The following ANXA8 variants were observed in gnomAD, a reference collection of about 807,000 sequenced individuals.
The protein encoded by ANXA8 is annexin A8.
Under a neutral mutation model 26.8 loss-of-function variants are expected in ANXA8, and 9 were observed. That is an observed-to-expected ratio of 0.34 (90% CI 0.20 to 0.59). ANXA8 has a LOEUF of 0.59. Ranked by LOEUF, ANXA8 falls within the 20% of genes least tolerant of loss-of-function variation. The pLI, the probability that ANXA8 is intolerant of heterozygous loss-of-function variation, is 0.84. For synonymous variants in ANXA8, 39 were observed against 94.8 expected, an observed-to-expected ratio of 0.41 and a Z score of 3.42; for missense variants, 83 against 238.5, an observed-to-expected ratio of 0.35 and a Z score of 4.29.
the ANXA8 span, among the ~76,000 whole-genome samples, chr10:47,605,924 T>C: frequency 2.7e-3 from 289 of 107,964 alleles, no homozygotes; most frequent in Admixed American, 7.9e-3. Context: ...GACTTACTAG[T>C]TTTAAAAGAA....
chr10:47,682,468 TC>T, the ANXA8 span, among the ~76,000 whole-genome samples: 5 of 141,118 alleles, frequency 3.5e-5, no homozygotes, highest in African/African-American at 1.1e-4. Context: ...TCTTTCTTTT[TC>T]TTTTTTTTTT....
chr10:47,647,802 T>TG, the ANXA8 span, among the ~76,000 whole-genome samples: 16 of 152,038 alleles, frequency 1.1e-4, no homozygotes, highest in African/African-American at 3.1e-4. Flanking sequence ...AAAGTATGAA[T>TG]ACTACACTAT....
chr10:47,657,294 GTAGCTGAAAATA>G, the ANXA8 span, among the ~76,000 whole-genome samples: 2 of 151,722 alleles, frequency 1.3e-5, no homozygotes, highest in Non-Finnish European at 2.9e-5. Flanking sequence ...AAACTCCTGA[GTAGCTGAAAATA>G]TAGGCATGTG....
the ANXA8 span, chr10:47,710,142 A>G: frequency 1.7e-6 from 1 of 604,008 alleles, no homozygotes; most frequent in South Asian, 2.6e-5. Flanking sequence ...AACATAAAAT[A>G]CAGTTCTAAA....
At chr10:47,695,029 T>C in the ANXA8 span, among the ~76,000 whole-genome samples, 1 of 151,780 alleles carries the variant, frequency 6.6e-6, no homozygotes, top group Admixed American at 6.6e-5. Context: ...ATGTCACTAA[T>C]CCAACATAGG....
the ANXA8 span, among the ~76,000 whole-genome samples, chr10:47,969,246 G>A: frequency 6.6e-6 from 1 of 151,510 alleles, no homozygotes; most frequent in Non-Finnish European, 1.5e-5. Context: ...TTCAGTATTA[G>A]CATTAGAGAA....
At chr10:47,932,726 C>T in the ANXA8 span, among the ~76,000 whole-genome samples, 3 of 61,980 alleles carry the variant, frequency 4.8e-5, no homozygotes, top group Admixed American at 1.7e-4. Flanking sequence ...CTTTCTCTGT[C>T]TTTCTGTCTC....
upstream of ANXA8, chr10:47,484,188 C>T (rs1200172001): frequency 1.8e-5 from 14 of 799,570 alleles, no homozygotes; most frequent in Admixed American, 4.0e-5. Flanking sequence ...TGGGGAATTA[C>T]ACAACTCACT....
At chr10:47,720,612 A>ATG in the ANXA8 span, among the ~76,000 whole-genome samples, 2 of 143,012 alleles carry the variant, frequency 1.4e-5, no homozygotes, top group Admixed American at 6.9e-5. Flanking sequence ...TATAAATTAC[A>ATG]TGTGTTTACA....
the ANXA8 span, among the ~76,000 whole-genome samples, chr10:47,954,583 T>C: frequency 1.3e-5 from 2 of 151,362 alleles, no homozygotes; most frequent in Non-Finnish European, 2.9e-5. Context: ...AAATGATAAA[T>C]GCTTGAGGTG....
chr10:47,659,433 G>T, the ANXA8 span, among the ~76,000 whole-genome samples: 1 of 151,548 alleles, frequency 6.6e-6, no homozygotes, highest in Non-Finnish European at 1.5e-5. Context: ...TAATCCCAGC[G>T]CTTTGGGAGG....
the ANXA8 span, among the ~76,000 whole-genome samples, chr10:47,597,208 A>C: frequency 6.7e-6 from 1 of 149,440 alleles, no homozygotes; most frequent in Non-Finnish European, 1.5e-5. Flanking sequence ...AAAGTCCAAC[A>C]TGCCTTCATA....
the ANXA8 span, among the ~76,000 whole-genome samples, chr10:47,940,247 GT>G: frequency 6.8e-6 from 1 of 147,168 alleles, no homozygotes; most frequent in African/African-American, 2.6e-5. Context: ...AAGGGTGTAG[GT>G]TGTTATCTCC....
the ANXA8 span, chr10:47,690,994 A>T: frequency 6.2e-7 from 1 of 1,611,380 alleles, no homozygotes; most frequent in Non-Finnish European, 8.5e-7. Context: ...TAAAAAAATC[A>T]TTAATAAAAA....
chr10:47,982,834 A>ATATAT, the ANXA8 span, among the ~76,000 whole-genome samples: 45 of 67,536 alleles, frequency 6.7e-4, no homozygotes, highest in Middle Eastern at 7.8e-3. Context: ...ATATATATAT[A>ATATAT]AAATTTGATA....
the ANXA8 span, among the ~76,000 whole-genome samples, chr10:47,671,300 T>C: frequency 2.6e-5 from 4 of 151,640 alleles, no homozygotes; most frequent in Non-Finnish European, 5.9e-5. Context: ...TGCGTGCCTG[T>C]AGTCCTAGCT....
chr10:47,937,202 C>T, the ANXA8 span, among the ~76,000 whole-genome samples: 1,042 of 149,810 alleles, frequency 7.0e-3, 25 homozygotes, highest in African/African-American at 0.024. Flanking sequence ...CACACTTGTC[C>T]GAAAGAGGTG....
the ANXA8 span, among the ~76,000 whole-genome samples, chr10:47,904,950 T>TC: frequency 2.0e-5 from 1 of 49,476 alleles, no homozygotes; most frequent in African/African-American, 8.7e-5. Context: ...ATGGTTAGTA[T>TC]CCCCCCATAA....
chr10:47,734,313 C>T, the ANXA8 span, among the ~76,000 whole-genome samples: 2 of 140,920 alleles, frequency 1.4e-5, no homozygotes, highest in African/African-American at 5.5e-5. Context: ...CACTCATCTT[C>T]CATATTGCAC....
Sources: gnomAD v4.1 joint callset for allele counts (sites outside exome capture counted in the v4.1 genomes callset) on GRCh38, gnomAD v4.1.1 for gene constraint, MANE v1.5 for transcripts, NCBI Gene and HGNC (gene_info 2026-07-23, HGNC 2026-07-21) for gene names.